Variants in BAIAP2L2 observed in about 807,000 individuals in gnomAD.
BAIAP2L2 encodes BAR/IMD domain-containing adapter protein 2-like 2.
Under a neutral mutation model 60.4 loss-of-function variants are expected in BAIAP2L2, and 65 were observed. The ratio of observed to expected loss-of-function variants is 1.08; its 90% CI spans 0.88 to 1.32. The LOEUF is 1.32. Among genes scored for constraint, BAIAP2L2 ranks in the 40% most tolerant of loss-of-function variants. The pLI, the probability that BAIAP2L2 is intolerant of heterozygous loss-of-function variation, is 0.00. For synonymous variants in BAIAP2L2, 344 were observed against 301.7 expected, an observed-to-expected ratio of 1.14 and a Z score of -1.45; for missense variants, 836 against 741.2, an observed-to-expected ratio of 1.13 and a Z score of -1.48.
chr22:38,108,385 C>T lies in BAIAP2L2; in HGVS notation c.128-44G>A, dbSNP rs368223235. On this transcript the variant is annotated intron_variant, in intron 2 of 13. Coordinates refer to ENST00000381669, the MANE Select transcript of BAIAP2L2 (RefSeq NM_025045.6). ...AGGTCTGGTCCAGCCCTGCCTCTGC[C>T]CCACCCTTCTGGAGGCTCTTTTCAT... The T allele has an allele frequency of 3.4e-6, 5 of 1,488,946 alleles. No homozygotes were observed. In the African/African-American group the frequency reaches 4.1e-5, roughly 12 times the overall value. 92.2% of individuals were successfully genotyped at this position (1,488,946 alleles called of 1,614,324 possible). A position where few individuals can be genotyped will look rare whatever the true frequency, so the allele number is the denominator to read the frequency against.
chr22:38,100,561 T>G (rs1460274615), intron 4 of BAIAP2L2, among the ~76,000 whole-genome samples: 1 of 149,066 alleles, frequency 6.7e-6, no homozygotes. Context: ...AATAAATAAA[T>G]AAATAAATAA....
chr22:38,099,571 G>A (rs2086522175), intron 4 of BAIAP2L2, among the ~76,000 whole-genome samples: 1 of 152,094 alleles, frequency 6.6e-6, no homozygotes, highest in African/African-American at 2.4e-5. Flanking sequence ...GGCTTGACCA[G>A]CTGCTCTCTG....
intron 12 of BAIAP2L2, 36 bp downstream of exon 12, chr22:38,086,206 G>T: frequency 1.9e-6 from 3 of 1,591,028 alleles, no homozygotes; most frequent in Non-Finnish European, 8.6e-7. Flanking sequence ...CTCCCTGCCC[G>T]CTGGAGGCCC....
intron 1 of BAIAP2L2, among the ~76,000 whole-genome samples, chr22:38,109,826 G>A (rs1040211727): frequency 2.2e-4 from 34 of 152,022 alleles, no homozygotes; most frequent in African/African-American, 7.5e-4. Context: ...CTCCCTCCGT[G>A]ACCTTGAATG....
chr22:38,098,248 G>A, intron 5 of BAIAP2L2, 69 bp from the exon 6 acceptor site: 3 of 1,547,386 alleles, frequency 1.9e-6, no homozygotes, highest in Non-Finnish European at 2.7e-6. Flanking sequence ...CCCTCCCAGA[G>A]ATCAGGGCCC....
At chr22:38,093,177 GA>G (rs1182396954) in intron 7 of BAIAP2L2, among the ~76,000 whole-genome samples, 1 of 151,788 alleles carries the variant, frequency 6.6e-6, no homozygotes, top group Non-Finnish European at 1.5e-5. Context: ...AAAATAAAAA[GA>G]AAAAAGAAAG....
rs756586281 is a variant in BAIAP2L2 at position 38,089,127 on chromosome 22, G to A, written c.870C>T (p.Asp290=). 1.9e-4 allele frequency: 257 copies of A among 1,367,400 alleles called. No individual in the cohort carries two copies. Among genetic ancestry groups the A allele is most frequent in the Non-Finnish European group, 2.2e-4 (234 of 1,066,468 alleles). 84.7% of individuals were successfully genotyped at this position (1,367,400 alleles called of 1,614,324 possible). ...DARPASQLEP[D]RRSLPRTPSA... ...ACGGCGTGCGGGGCAGGGAGCGACG[G>A]TCTGGCTCTAGCTGGGACGCGGGCC... Residue 290 remains aspartate, a synonymous_variant, in exon 9 of 14, where the codon GAC becomes GAT. Transcript: ENST00000381669.
intron 8 of BAIAP2L2, 135 bp downstream of exon 8, chr22:38,089,387 G>T: frequency 3.3e-6 from 2 of 601,158 alleles, no homozygotes; most frequent in Non-Finnish European, 2.4e-6. Context: ...CGCCGGGGCG[G>T]AAGGGCAGGC....
Position 38,089,123 on chromosome 22 carries a change from G to C in BAIAP2L2, c.874C>G (p.Arg292Gly). The change falls in exon 9 of 14, where the codon CGC becomes GGC. Residue 292 changes from arginine to glycine, a missense_variant. Transcript: ENST00000381669. Reference sequence around the variant, plus strand: ...GCCGACGGCGTGCGGGGCAGGGAGCGACGGTCTGGCTCTAGCTGGGACGCG... The same window carrying C: ...GCCGACGGCGTGCGGGGCAGGGAGCCACGGTCTGGCTCTAGCTGGGACGCG... ...RPASQLEPDRRSLPRTPSASS... is the reference protein window; with the variant it reads ...RPASQLEPDRGSLPRTPSASS... The C allele has an allele frequency of 2.9e-6, 4 of 1,371,108 alleles. No individual in the cohort carries two copies. The highest frequency in any genetic ancestry group is 3.7e-6 in the Non-Finnish European group (4 of 1,068,750). 84.9% of individuals were successfully genotyped at this position (1,371,108 alleles called of 1,614,324 possible). A position where few individuals can be genotyped will look rare whatever the true frequency, so the allele number is the denominator to read the frequency against.
At chr22:38,107,766 G>T in intron 4 of BAIAP2L2, 86 bp downstream of exon 4, 1 of 1,290,282 alleles carries the variant, frequency 7.8e-7, no homozygotes, top group South Asian at 1.2e-5. Flanking sequence ...TCCCTGGGAA[G>T]GGCATCTGGT....
At position 38,089,539 on chromosome 22, in the gene BAIAP2L2, G is replaced by T; in HGVS notation, c.748C>A (p.Pro250Thr). The T allele has an allele frequency of 3.3e-6, 4 of 1,220,632 alleles. No individual in the cohort carries two copies. The highest frequency in any genetic ancestry group is 4.1e-6 in the Non-Finnish European group (4 of 981,104). 75.6% of individuals were successfully genotyped at this position (1,220,632 alleles called of 1,614,324 possible). A position where few individuals can be genotyped will look rare whatever the true frequency, so the allele number is the denominator to read the frequency against. The change falls in exon 8 of 14, where the codon CCC becomes ACC. Residue 250 changes from proline (P) to threonine (T), a missense_variant. By Grantham distance (38) the Pro-to-Thr change is conservative. Coordinates refer to ENST00000381669, the MANE Select transcript of BAIAP2L2 (RefSeq NM_025045.6). ...GGCCTCACCATGTCCAGGCAGGTGGGCGTCAGGCGGCCCGAGGGGTAGGGC... is the reference window on the plus strand; with the variant it reads ...GGCCTCACCATGTCCAGGCAGGTGGTCGTCAGGCGGCCCGAGGGGTAGGGC... ...GPPYPSGRLT[P>T]TCLDMPPRPL...
chr22:38,109,249 G>C (rs369367602), intron 1 of BAIAP2L2, 41 bp from the exon 2 acceptor site: 2 of 1,525,130 alleles, frequency 1.3e-6, no homozygotes, highest in African/African-American at 1.4e-5. Flanking sequence ...TGTAGAGATG[G>C]GGGAGCGAGA....
intron 2 of BAIAP2L2, 71 bp downstream of exon 2, chr22:38,109,062 G>A (rs1212267552): frequency 2.3e-6 from 3 of 1,325,520 alleles, no homozygotes; most frequent in African/African-American, 1.5e-5. Flanking sequence ...CAGAGAATCT[G>A]GGAGGGGCCT....
At chr22:38,087,394 C>G in intron 10 of BAIAP2L2, 130 bp from the exon 11 acceptor site, 1 of 1,070,894 alleles carries the variant, frequency 9.3e-7, no homozygotes. Flanking sequence ...CAATCAATTC[C>G]GTATGTTTAC....
At chr22:38,086,152 G>C (rs1416995459) in intron 12 of BAIAP2L2, 90 bp downstream of exon 12, 2 of 1,419,060 alleles carry the variant, frequency 1.4e-6, no homozygotes, top group East Asian at 4.9e-5. Context: ...CGGGTCCCCT[G>C]CCAGACAGCC....
At chr22:38,090,628 C>G (rs191603868) in intron 7 of BAIAP2L2, 1 of 152,334 alleles carries the variant, frequency 6.6e-6, no homozygotes, top group East Asian at 1.9e-4. Flanking sequence ...AACGCTTTAT[C>G]TGCATTATCT....
intron 4 of BAIAP2L2, among the ~76,000 whole-genome samples, chr22:38,104,786 A>G (rs927570238): frequency 5.9e-5 from 9 of 151,866 alleles, no homozygotes; most frequent in African/African-American, 2.2e-4. Flanking sequence ...GTGAGCCACC[A>G]CACCCAGCCA....
At position 38,107,857 on chromosome 22, in the gene BAIAP2L2, C is replaced by G. The variant is rs778517096; in HGVS notation, c.271G>C (p.Val91Leu). 14 of 1,613,352 alleles carry G rather than the reference C, an allele frequency of 8.7e-6. No individual in the cohort carries two copies. The highest frequency in any genetic ancestry group is 1.2e-5 in the Non-Finnish European group (14 of 1,179,906). Residue 91 changes from valine to leucine, a missense_variant, in exon 4 of 14, where the codon GTG (valine) becomes CTG (leucine). Coordinates refer to ENST00000381669, the MANE Select transcript of BAIAP2L2 (RefSeq NM_025045.6). ...TQRHLNSDLE[V>L]VVQTFHGGLL... The stretch of plus-strand genomic sequence containing the variant: ...CCCTGGGGCCTGATACTCACCACCA[C>G]CTCCAGGTCAGAGTTCAAGTGCCGC...
Position 38,091,500 on chromosome 22 carries a change from A to G in BAIAP2L2, c.613-1826T>C, listed in dbSNP as rs374084586. 188 of 152,334 alleles carry G rather than the reference A, an allele frequency of 1.2e-3. 1 individual carries two copies. The highest frequency in any genetic ancestry group is 4.5e-3 in the African/African-American group (185 of 41,568). 9.4% of individuals were successfully genotyped at this position (152,334 alleles called of 1,614,324 possible). On this transcript the variant is annotated intron_variant, in intron 7 of 13. Transcript: ENST00000381669. Reference sequence around the variant, plus strand: ...TGTATCAAAACACCTCATGTACCCCATAAATATATACACCTACTATGTACC... The same window carrying G: ...TGTATCAAAACACCTCATGTACCCCGTAAATATATACACCTACTATGTACC...
Sources: gnomAD v4.1 joint callset for allele counts (sites outside exome capture counted in the v4.1 genomes callset) on GRCh38, gnomAD v4.1.1 for gene constraint, MANE v1.5 for transcripts, NCBI Gene and HGNC (gene_info 2026-07-23, HGNC 2026-07-21) for gene names.